ARL5A: variants seen among roughly 807,000 people sequenced by gnomAD.
ARL5A encodes the protein ADP-ribosylation factor-like protein 5A.
Under a neutral mutation model 25.9 loss-of-function variants are expected in ARL5A, and 18 were observed. The observed-to-expected ratio is 0.69, with a 90% CI of 0.48 to 1.03. The LOEUF is 1.03. Ranked by LOEUF, ARL5A falls within the 50% of genes least tolerant of loss-of-function variation. The probability of loss-of-function intolerance (pLI) is 0.00; values close to 1 mark genes in which losing one functional copy is unlikely to be tolerated. For synonymous variants in ARL5A, 61 were observed against 67.5 expected (o/e 0.90, Z 0.47); for missense variants, 170 against 211.9 (o/e 0.80, Z 1.23).
In ARL5A at chr2:151,799,600, G is replaced by A. The variant is rs2099829147; in HGVS notation, c.*3676C>T. On this transcript the variant is annotated 3_prime_UTR_variant, in exon 6 of 6. Transcript: ENST00000295087. ...TTTCTGAATCTACTTCCCAACATGT[G>A]AAGTTAAATTAAGAAGCATGAAAAT... 3 of 152,308 alleles carry A rather than the reference G, an allele frequency of 2.0e-5. No individual in the cohort carries two copies. The South Asian group carries it at 6.2e-4, about 32-fold the overall frequency. The allele number at this position is 152,308 out of a possible 1,614,324, so 9.4% of individuals were successfully genotyped here. A position where few individuals can be genotyped will look rare whatever the true frequency, so the allele number is the denominator to read the frequency against.
In ARL5A at chr2:151,822,765, C is replaced by T. The variant is rs148952185; in HGVS notation, c.46+5366G>A. ...GCATTCCTGTATTTACTCAAATAAG[C>T]CACAACAACTGCACTGTTCTAATGC... On this transcript the variant is annotated intron_variant, in intron 1 of 5. Coordinates refer to ENST00000295087, the MANE Select transcript of ARL5A (RefSeq NM_012097.4). Among the ~76,000 whole-genome samples the T allele has an allele frequency of 1.7e-4, 26 of 152,270 alleles. No homozygotes were observed. In the East Asian group the frequency reaches 4.2e-3, roughly 25 times the overall value.
intron 1 of ARL5A, among the ~76,000 whole-genome samples, chr2:151,818,121 TAACA>T (rs1489022781): frequency 1.3e-5 from 2 of 152,116 alleles, no homozygotes; most frequent in African/African-American, 2.4e-5. Context: ...AGCAAATGAG[TAACA>T]TACAATAAGA....
intron 3 of ARL5A, among the ~76,000 whole-genome samples, chr2:151,813,948 C>T (rs1006599623): frequency 6.6e-6 from 1 of 152,002 alleles, no homozygotes; most frequent in African/African-American, 2.4e-5. Flanking sequence ...GATCAATACA[C>T]AATCAGAACA....
At chr2:151,817,687 G>A (rs540660598) in intron 1 of ARL5A, among the ~76,000 whole-genome samples, 2 of 152,276 alleles carry the variant, frequency 1.3e-5, no homozygotes, top group East Asian at 3.9e-4. Flanking sequence ...CCTTTTATGA[G>A]TTATTAAGAA....
intron 5 of ARL5A, among the ~76,000 whole-genome samples, chr2:151,805,361 A>G (rs2099829952): frequency 6.6e-6 from 1 of 152,076 alleles, no homozygotes; most frequent in South Asian, 2.1e-4. Flanking sequence ...AAGGAAAACA[A>G]TTTCTCCCAC....
intron 1 of ARL5A, among the ~76,000 whole-genome samples, chr2:151,825,901 G>A (rs1054830635): frequency 1.3e-5 from 2 of 151,930 alleles, no homozygotes; most frequent in African/African-American, 4.8e-5. Context: ...AAGGCGGGTG[G>A]ATCACGAAGT....
chr2:151,802,434 A>G lies in ARL5A; in HGVS notation c.*842T>C, dbSNP rs2099829551. ...TATTCAGTAATTTAGATGCCATAAGAACCACTGAAAGGAATAATCTGATAG... is the reference window on the plus strand; with the variant it reads ...TATTCAGTAATTTAGATGCCATAAGGACCACTGAAAGGAATAATCTGATAG... On this transcript the variant is annotated 3_prime_UTR_variant, in exon 6 of 6. Transcript: ENST00000295087. The G allele has an allele frequency of 6.6e-6, 1 of 152,078 alleles. No individual in the cohort carries two copies. Among genetic ancestry groups the G allele is most frequent in the South Asian group, 2.1e-4 (1 of 4,836 alleles). 9.4% of individuals were successfully genotyped at this position (152,078 alleles called of 1,614,324 possible).
Position 151,800,542 on chromosome 2 carries a change from A to G in ARL5A, c.*2734T>C, listed in dbSNP as rs1192343605. On this transcript the variant is annotated 3_prime_UTR_variant, in exon 6 of 6. Coordinates refer to ENST00000295087, the MANE Select transcript of ARL5A (RefSeq NM_012097.4). Reference sequence around the variant, plus strand: ...TTATATTCTTAAGGCAAAATGTCACATAAGAAAATGAATCCCCTATCCACT... The same window carrying G: ...TTATATTCTTAAGGCAAAATGTCACGTAAGAAAATGAATCCCCTATCCACT... 6.6e-6 allele frequency: 1 copy of G among 152,328 alleles called. No individual in the cohort carries two copies. Among genetic ancestry groups the G allele is most frequent in the Non-Finnish European group, 1.5e-5 (1 of 68,042 alleles). 9.4% of individuals were successfully genotyped at this position (152,328 alleles called of 1,614,324 possible).
rs560968283 is a variant in ARL5A, at chr2:151,808,874, C to T, written c.340-1902G>A. On this transcript the variant is annotated intron_variant, in intron 4 of 5. Coordinates refer to ENST00000295087, the MANE Select transcript of ARL5A (RefSeq NM_012097.4). ...ACCAGCCTGGCCAACAGGGCGAAAC[C>T]CCGTTTCAACTGAAAATATAAAAAT... Among the ~76,000 whole-genome samples the T allele has an allele frequency of 6.6e-5, 10 of 152,194 alleles. 1 individual carries two copies. In the South Asian group the frequency reaches 1.7e-3, roughly 25 times the overall value.
At chr2:151,811,016 C>T (rs2151293451) in intron 4 of ARL5A, among the ~76,000 whole-genome samples, 1 of 152,188 alleles carries the variant, frequency 6.6e-6, no homozygotes. Context: ...TCCCAACTAG[C>T]AATGAATCTG....
At chr2:151,812,476 C>T (rs1401250979) in intron 3 of ARL5A, 36 bp from the exon 4 acceptor site, 6 of 1,361,262 alleles carry the variant, frequency 4.4e-6, no homozygotes, top group Non-Finnish European at 6.1e-6. Context: ...AGTGATTATA[C>T]AATTTGGTAT....
At position 151,801,226 on chromosome 2, in the gene ARL5A, TA is replaced by T. The variant is rs1341192474; in HGVS notation, c.*2049del. 6.6e-6 allele frequency: 1 copy of T among 152,510 alleles called. No individual in the cohort carries two copies. Among genetic ancestry groups the T allele is most frequent in the African/African-American group, 2.4e-5 (1 of 41,448 alleles). 9.4% of individuals were successfully genotyped at this position (152,510 alleles called of 1,614,324 possible). ...ATAATCCACTACACTAAACCAACTG[TA>T]ACAAGGTAGTACATGCTTTAAACAT... On this transcript the variant is annotated 3_prime_UTR_variant, in exon 6 of 6. Transcript: ENST00000295087.
chr2:151,813,954 G>A (rs1417452370), intron 3 of ARL5A, among the ~76,000 whole-genome samples: 4 of 151,878 alleles, frequency 2.6e-5, no homozygotes, highest in Non-Finnish European at 5.9e-5. Context: ...TACACAATCA[G>A]AACATAATTA....
At chr2:151,824,059 GC>G (rs1378056728) in intron 1 of ARL5A, among the ~76,000 whole-genome samples, 2 of 152,242 alleles carry the variant, frequency 1.3e-5, no homozygotes, top group Non-Finnish European at 2.9e-5. Flanking sequence ...CACAGAGCAT[GC>G]AAAAAGGGTT....
rs1355719972 is a variant in ARL5A at position 151,828,348 on chromosome 2, T to G, written c.-172A>C. On this transcript the variant is annotated 5_prime_UTR_variant, in exon 1 of 6. Transcript: ENST00000295087. ...AGGGAGGCCGAAGCCCAGGCCGCCC[T>G]GCCGCGCGCAAGGCCCCGCCGCTGC... The G allele has an allele frequency of 3.8e-6, 2 of 528,278 alleles. No homozygotes were observed. The highest frequency in any genetic ancestry group is 6.4e-6 in the Non-Finnish European group (2 of 311,856). 32.7% of individuals were successfully genotyped at this position (528,278 alleles called of 1,614,324 possible).
chr2:151,826,551 T>C (rs559467714), intron 1 of ARL5A, among the ~76,000 whole-genome samples: 204 of 152,338 alleles, frequency 1.3e-3, no homozygotes, highest in Admixed American at 2.2e-3. Context: ...ATTCACAGTC[T>C]TGCTAAACCT....
intron 3 of ARL5A, among the ~76,000 whole-genome samples, chr2:151,812,671 T>C (rs2099830988): frequency 1.3e-5 from 2 of 152,184 alleles, no homozygotes; most frequent in Admixed American, 1.3e-4. Context: ...CTAACTAATA[T>C]ATATAACGCA....
chr2:151,821,975 G>A (rs2099832402), intron 1 of ARL5A, among the ~76,000 whole-genome samples: 1 of 151,784 alleles, frequency 6.6e-6, no homozygotes, highest in South Asian at 2.1e-4. Flanking sequence ...TCAGCCTCCC[G>A]AGTAGCTGGA....
At chr2:151,823,583 T>C (rs1215631887) in intron 1 of ARL5A, among the ~76,000 whole-genome samples, 2 of 152,214 alleles carry the variant, frequency 1.3e-5, no homozygotes, top group East Asian at 3.9e-4. Flanking sequence ...ATTATGGGAA[T>C]GTCAAATTTA....
Sources: gnomAD v4.1 joint callset for allele counts (sites outside exome capture counted in the v4.1 genomes callset) on GRCh38, gnomAD v4.1.1 for gene constraint, MANE v1.5 for transcripts, NCBI Gene and HGNC (gene_info 2026-07-23, HGNC 2026-07-21) for gene names.